PLEKHH2: variants seen among roughly 807,000 people sequenced by gnomAD.
The protein encoded by PLEKHH2 is pleckstrin homology, MyTH4 and FERM domain containing H2.
Under a neutral mutation model 187.9 loss-of-function variants are expected in PLEKHH2, and 129 were observed. That is an observed-to-expected ratio of 0.69 (90% CI 0.59 to 0.79). The LOEUF (loss-of-function observed/expected upper bound fraction) is 0.79. PLEKHH2 is among the 30% of genes least tolerant of loss of function. PLEKHH2 has a pLI of 0.00. For synonymous variants in PLEKHH2, 686 were observed against 605.6 expected (o/e 1.13, Z -1.95); for missense variants, 2,076 against 1,751.2 (o/e 1.19, Z -3.31).
At chr2:43,649,478 T>C (rs967305357) in intron 2 of PLEKHH2, among the ~76,000 whole-genome samples, 7 of 152,262 alleles carry the variant, frequency 4.6e-5, no homozygotes, top group African/African-American at 1.7e-4. Flanking sequence ...GGCATTTCTT[T>C]TGTGAATGTG....
chr2:43,712,267 C>T lies in PLEKHH2; in HGVS notation c.2344C>T (p.Pro782Ser), dbSNP rs752997287. 4.3e-6 allele frequency: 7 copies of T among 1,612,660 alleles called. No individual in the cohort carries two copies. The highest frequency in any genetic ancestry group is 5.9e-6 in the Non-Finnish European group (7 of 1,178,768). Residue 782 changes from proline (P) to serine (S), a missense_variant, in exon 15 of 30, where the codon CCC becomes TCC. Coordinates refer to ENST00000282406, the MANE Select transcript of PLEKHH2 (RefSeq NM_172069.4). ...CACATACTATCTGACTGCAGATTCT[C>T]CCAATATATTGGAAGAGTGGATTAA... ...KHTYYLTADS[P>S]NILEEWIKVL...
chr2:43,742,654 T>A (rs959651339), intron 21 of PLEKHH2, 87 bp from the exon 22 acceptor site: 94 of 1,001,356 alleles, frequency 9.4e-5, no homozygotes, highest in Non-Finnish European at 1.2e-4. Context: ...ATTGTGATAA[T>A]GTACACGGAT....
At position 43,765,754 on chromosome 2, in the gene PLEKHH2, T is replaced by G; in HGVS notation, c.*156T>G. 1.5e-6 allele frequency: 1 copy of G among 659,288 alleles called. No homozygotes were observed. The highest frequency in any genetic ancestry group is 2.3e-6 in the Non-Finnish European group (1 of 427,726). 40.8% of individuals were successfully genotyped at this position (659,288 alleles called of 1,614,324 possible). ...TAGTCTCTTTTATTTGATTCTTAAA[T>G]ATTCAAATAAATATTAACAGTAAAA... On this transcript the variant is annotated 3_prime_UTR_variant, in exon 30 of 30. Coordinates refer to ENST00000282406, the MANE Select transcript of PLEKHH2 (RefSeq NM_172069.4).
At chr2:43,704,934 G>C (rs998176713) in intron 9 of PLEKHH2, among the ~76,000 whole-genome samples, 1 of 152,058 alleles carries the variant, frequency 6.6e-6, no homozygotes, top group African/African-American at 2.4e-5. Context: ...ACCTGAGAGA[G>C]ACTAAATCAG....
chr2:43,644,712 G>A lies in PLEKHH2; in HGVS notation c.39G>A (p.Trp13Ter), dbSNP rs754172879. ...CTGAGCCAGAGGGACCAGTAGATTG[G>A]AAGGAACGATGTGTAGCTCTGGAGT... ...ELSEPEGPVDWKERCVALESQ... is the reference protein window; with the variant it reads ...ELSEPEGPVD The change falls in exon 2 of 30, where the codon TGG becomes TGA. Residue 13 changes from tryptophan (W) to a stop codon, truncating the protein, a stop_gained. Transcript: ENST00000282406. LOFTEE classifies it high-confidence loss of function. The A allele has an allele frequency of 6.2e-6, 10 of 1,608,036 alleles. No homozygotes were observed. The highest frequency in any genetic ancestry group is 8.5e-6 in the Non-Finnish European group (10 of 1,175,940).
intron 25 of PLEKHH2, among the ~76,000 whole-genome samples, chr2:43,756,109 T>C (rs562117938): frequency 5.7e-4 from 86 of 152,146 alleles, no homozygotes; most frequent in Non-Finnish European, 9.6e-4. Flanking sequence ...AAGTATAAAT[T>C]GTGGTTCCGA....
At chr2:43,678,536 CG>C (rs1667987178) in intron 2 of PLEKHH2, among the ~76,000 whole-genome samples, 3 of 152,110 alleles carry the variant, frequency 2.0e-5, no homozygotes, top group Admixed American at 1.3e-4. Flanking sequence ...AGCGAAACCC[CG>C]TCTCCACCAA....
chr2:43,653,404 GA>G (rs1475885243), intron 2 of PLEKHH2, among the ~76,000 whole-genome samples: 1 of 152,244 alleles, frequency 6.6e-6, no homozygotes, highest in African/African-American at 2.4e-5. Flanking sequence ...AATTCTGAAG[GA>G]AAATTATATC....
intron 19 of PLEKHH2, among the ~76,000 whole-genome samples, chr2:43,738,066 G>A (rs1671378354): frequency 6.6e-6 from 1 of 152,184 alleles, no homozygotes; most frequent in African/African-American, 2.4e-5. Flanking sequence ...TATTAAGTAT[G>A]TAGATGTTTA....
chr2:43,682,845 C>G (rs1668274187), intron 3 of PLEKHH2, among the ~76,000 whole-genome samples: 1 of 152,048 alleles, frequency 6.6e-6, no homozygotes, highest in Non-Finnish European at 1.5e-5. Flanking sequence ...TAGTGTCTGG[C>G]TTCTTTCATT....
At position 43,726,435 on chromosome 2, in the gene PLEKHH2, G is replaced by T. The variant is rs767695358; in HGVS notation, c.2705G>T (p.Gly902Val). The T allele has an allele frequency of 6.2e-7, 1 of 1,607,398 alleles. No individual in the cohort carries two copies. The highest frequency in any genetic ancestry group is 8.5e-7 in the Non-Finnish European group (1 of 1,174,140). The change falls in exon 17 of 30, where the codon GGA becomes GTA. Residue 902 changes from glycine (G) to valine (V), a missense_variant. Physicochemically the swap from Gly to Val is moderately radical, Grantham distance 109 (BLOSUM62 -3). Transcript: ENST00000282406. ...CAAGGTCCAACTTACCTCCTAATTG[G>T]ATCCAAGCATGAAAAGGTATTCAAA... ...KDQGPTYLLI[G>V]SKHEKDTWLY... is the part of the protein sequence containing the mutation.
chr2:43,751,496 C>T (rs567522962), intron 24 of PLEKHH2, among the ~76,000 whole-genome samples: 3 of 152,246 alleles, frequency 2.0e-5, no homozygotes, highest in Admixed American at 6.5e-5. Context: ...AAAAGGATCG[C>T]CCAGTGGTGC....
intron 15 of PLEKHH2, among the ~76,000 whole-genome samples, chr2:43,716,268 T>C (rs60935083): frequency 1.7e-3 from 261 of 152,190 alleles, no homozygotes; most frequent in African/African-American, 6.0e-3. Context: ...TGGCTGGACA[T>C]AGTGGGAAGG....
chr2:43,695,740 G>A (rs777511207), intron 6 of PLEKHH2, among the ~76,000 whole-genome samples: 4 of 152,186 alleles, frequency 2.6e-5, no homozygotes, highest in Admixed American at 1.3e-4. Flanking sequence ...AGAGGTAGTT[G>A]TATCAGAGAG....
At chr2:43,719,729 C>T (rs992495876) in intron 15 of PLEKHH2, among the ~76,000 whole-genome samples, 21 of 152,178 alleles carry the variant, frequency 1.4e-4, no homozygotes, top group African/African-American at 3.9e-4. Context: ...TGAGCCACCG[C>T]GCACAGCCTT....
chr2:43,726,124 C>CAA (rs3066315), intron 16 of PLEKHH2, 148 bp from the exon 17 acceptor site: 520 of 460,098 alleles, frequency 1.1e-3, no homozygotes, highest in Middle Eastern at 2.4e-3. Flanking sequence ...AACCCTGTCT[C>CAA]AAAAAAAAAA....
At chr2:43,761,764 T>C (rs982565447) in intron 27 of PLEKHH2, among the ~76,000 whole-genome samples, 2 of 152,226 alleles carry the variant, frequency 1.3e-5, no homozygotes, top group African/African-American at 4.8e-5. Context: ...TATTTCTCAT[T>C]ACTATTGATT....
intron 3 of PLEKHH2, among the ~76,000 whole-genome samples, chr2:43,684,207 C>T (rs1410152684): frequency 3.3e-5 from 5 of 149,472 alleles, no homozygotes; most frequent in African/African-American, 4.9e-5. Context: ...CCTTCTTTTC[C>T]CCTTCCTTTC....
chr2:43,700,558 G>A lies in PLEKHH2; in HGVS notation c.1600G>A (p.Val534Met), dbSNP rs565735992. Reference sequence around the variant, plus strand: ...GGAACACTGTGACTCAGCAAAGAAGGTGGCATACAGCAAACCTCCAACTCC... The same window carrying A: ...GGAACACTGTGACTCAGCAAAGAAGATGGCATACAGCAAACCTCCAACTCC... ...DQEHCDSAKK[V>M]AYSKPPTPPL... The change falls in exon 8 of 30, where the codon GTG becomes ATG. Residue 534 changes from valine to methionine, a missense_variant. By Grantham distance (21) the Val-to-Met change is conservative. Transcript: ENST00000282406. The A allele has an allele frequency of 1.6e-5, 26 of 1,613,158 alleles. No individual in the cohort carries two copies. In the South Asian group the frequency reaches 2.5e-4, roughly 16 times the overall value.
Sources: gnomAD v4.1 joint callset for allele counts (sites outside exome capture counted in the v4.1 genomes callset) on GRCh38, gnomAD v4.1.1 for gene constraint, MANE v1.5 for transcripts, NCBI Gene and HGNC (gene_info 2026-07-23, HGNC 2026-07-21) for gene names.